FHIT: variants seen among roughly 807,000 people sequenced by gnomAD.
The protein encoded by FHIT is fragile histidine triad diadenosine triphosphatase.
In FHIT, 19 loss-of-function variants were observed where a neutral mutation model predicts 17.9. The observed-to-expected ratio is 1.06, with a 90% CI of 0.74 to 1.56. The LOEUF (loss-of-function observed/expected upper bound fraction) is 1.56. Ranked by LOEUF, FHIT falls within the 40% of genes most tolerant of loss-of-function variation. The pLI, the probability that FHIT is intolerant of heterozygous loss-of-function variation, is 0.00. For missense variants in FHIT, 248 were observed against 189.2 expected, an observed-to-expected ratio of 1.31 and a Z score of -1.82; for synonymous variants, 81 against 69.7, an observed-to-expected ratio of 1.16 and a Z score of -0.81.
chr3:60,105,564 G>T (rs763782023), intron 5 of FHIT, among the ~76,000 whole-genome samples: 2 of 152,084 alleles, frequency 1.3e-5, no homozygotes, highest in African/African-American at 4.8e-5. Flanking sequence ...TAAGAATATT[G>T]CAACACCAAA....
chr3:59,886,235 T>C (rs1354274741), intron 8 of FHIT: 1 of 152,204 alleles, frequency 6.6e-6, no homozygotes, highest in Non-Finnish European at 1.5e-5. Flanking sequence ...CTAACTTCAC[T>C]CGCTCATTCC....
At chr3:60,350,812 T>C (rs1297601654) in intron 5 of FHIT, among the ~76,000 whole-genome samples, 1 of 152,158 alleles carries the variant, frequency 6.6e-6, no homozygotes, top group African/African-American at 2.4e-5. Context: ...GTGTCAGTGA[T>C]TTGCTTCCAA....
intron 5 of FHIT, among the ~76,000 whole-genome samples, chr3:60,327,050 G>A (rs554572194): frequency 7.9e-5 from 12 of 152,236 alleles, no homozygotes; most frequent in East Asian, 7.7e-4. Flanking sequence ...CATGGAGGTC[G>A]TCCCCAGGCT....
At chr3:60,704,939 T>C (rs575986115) in intron 4 of FHIT, among the ~76,000 whole-genome samples, 1 of 152,030 alleles carries the variant, frequency 6.6e-6, no homozygotes, top group African/African-American at 2.4e-5. Flanking sequence ...ACTGGTGAGC[T>C]TCACATGACT....
intron 4 of FHIT, among the ~76,000 whole-genome samples, chr3:60,565,135 T>G (rs560229580): frequency 6.6e-6 from 1 of 152,312 alleles, no homozygotes; most frequent in Admixed American, 6.5e-5. Context: ...TTAATTAAGG[T>G]ATGTACACTT....
At chr3:61,236,765 A>C (rs947163600) in intron 1 of FHIT, among the ~76,000 whole-genome samples, 8 of 152,230 alleles carry the variant, frequency 5.3e-5, no homozygotes, top group African/African-American at 1.9e-4. Context: ...GAAAGCTGAC[A>C]GCTTCAGAGT....
chr3:60,092,035 A>G (rs1410886879), intron 5 of FHIT, among the ~76,000 whole-genome samples: 1 of 152,202 alleles, frequency 6.6e-6, no homozygotes, highest in Non-Finnish European at 1.5e-5. Flanking sequence ...CACAGGCTCC[A>G]CTACTGGTGA....
At chr3:60,624,099 T>G (rs73095382) in intron 4 of FHIT, among the ~76,000 whole-genome samples, 18 of 151,710 alleles carry the variant, frequency 1.2e-4, no homozygotes, top group Non-Finnish European at 2.1e-4. Flanking sequence ...CTAAGTGGAG[T>G]AAGGAGGCCA....
At chr3:60,169,312 A>C (rs1163753982) in intron 5 of FHIT, among the ~76,000 whole-genome samples, 1 of 152,194 alleles carries the variant, frequency 6.6e-6, no homozygotes, top group Non-Finnish European at 1.5e-5. Flanking sequence ...ATACCCTGAA[A>C]ACAGTGTGGT....
intron 8 of FHIT, among the ~76,000 whole-genome samples, chr3:59,830,783 GACTT>G (rs543078758): frequency 1.0e-3 from 156 of 152,176 alleles, no homozygotes; most frequent in Non-Finnish European, 1.7e-3. Context: ...CCCTCAAAAA[GACTT>G]ACAGTTAAGC....
At chr3:61,052,536 G>A (rs78781987) in intron 2 of FHIT, among the ~76,000 whole-genome samples, 2 of 152,160 alleles carry the variant, frequency 1.3e-5, no homozygotes, top group Admixed American at 1.3e-4. Context: ...GTCTAGCGCA[G>A]ATCAATACTT....
intron 4 of FHIT, among the ~76,000 whole-genome samples, chr3:60,784,903 A>C (rs539490658): frequency 6.6e-6 from 1 of 152,230 alleles, no homozygotes; most frequent in Non-Finnish European, 1.5e-5. Context: ...TCCTCTATTA[A>C]CCAGAAAATG....
intron 8 of FHIT, among the ~76,000 whole-genome samples, chr3:59,780,394 A>T (rs919767669): frequency 5.9e-5 from 9 of 152,264 alleles, no homozygotes; most frequent in Non-Finnish European, 8.8e-5. Flanking sequence ...ATGTGTTGCA[A>T]CTGGAATTTG....
In FHIT at chr3:60,889,356, G is replaced by A. The variant is rs143415460; in HGVS notation, c.-110-67345C>T. Among the ~76,000 whole-genome samples the A allele has an allele frequency of 9.1e-4, 138 of 152,294 alleles. 1 individual carries two copies. Among genetic ancestry groups the A allele is most frequent in the Middle Eastern group, 6.8e-3 (2 of 294 alleles). ...TCACCATTGTTCCATCTGTAAGGGC[G>A]TACCCTTCTGTAGAAGTAACTTGCC... On this transcript the variant is annotated intron_variant, in intron 3 of 9. Transcript: ENST00000492590.
chr3:60,417,020 C>A (rs946157826), intron 5 of FHIT, among the ~76,000 whole-genome samples: 2 of 150,178 alleles, frequency 1.3e-5, no homozygotes, highest in African/African-American at 4.9e-5. Context: ...ACCTGGGAGG[C>A]GGAGCTTGCA....
chr3:61,047,470 C>G (rs548427055), intron 2 of FHIT, among the ~76,000 whole-genome samples: 16 of 151,938 alleles, frequency 1.1e-4, no homozygotes, highest in African/African-American at 3.6e-4. Flanking sequence ...CACTGCTCAA[C>G]GAAATAAAAG....
intron 2 of FHIT, among the ~76,000 whole-genome samples, chr3:61,163,974 C>G (rs10866045): frequency 0.42 from 63,355 of 151,864 alleles, 13,631 homozygotes; most frequent in East Asian, 0.6. Context: ...ATCAGCAACA[C>G]AGTAGATCCA....
intron 5 of FHIT, among the ~76,000 whole-genome samples, chr3:60,366,517 TG>T (rs1700114122): frequency 2.0e-5 from 3 of 152,158 alleles, no homozygotes; most frequent in Non-Finnish European, 4.4e-5. Flanking sequence ...TTACAGGAGG[TG>T]GGACCTCTAA....
At chr3:60,583,775 T>C (rs2037821368) in intron 4 of FHIT, among the ~76,000 whole-genome samples, 1 of 152,092 alleles carries the variant, frequency 6.6e-6, no homozygotes. Context: ...CACAAAGATA[T>C]CTAGCAATGG....
Sources: allele counts gnomAD v4.1 joint callset (sites outside exome capture counted in the v4.1 genomes callset), GRCh38; gene constraint gnomAD v4.1.1; transcripts MANE v1.5; gene names NCBI Gene and HGNC (gene_info 2026-07-23, HGNC 2026-07-21).